SUGP1: variants seen among roughly 807,000 people sequenced by gnomAD.
SUGP1 encodes the protein SURP and G-patch domain-containing protein 1.
SUGP1 carries 34 observed loss-of-function variants against 76.5 expected under a neutral mutation model. The observed-to-expected ratio is 0.44, with a 90% CI of 0.34 to 0.59. SUGP1 has a LOEUF of 0.59. SUGP1 is among the 20% of genes least tolerant of loss of function. SUGP1 has a pLI of 0.01. For missense variants in SUGP1, 752 were observed against 851.7 expected, an observed-to-expected ratio of 0.88 and a Z score of 1.46; for synonymous variants, 326 against 326.2, an observed-to-expected ratio of 1.00 and a Z score of 0.01.
intron 10 of SUGP1, 21 bp downstream of exon 10, chr19:19,279,192 C>T: frequency 6.4e-7 from 1 of 1,565,420 alleles, no homozygotes; most frequent in Non-Finnish European, 8.7e-7. Flanking sequence ...CCAGCCCGGC[C>T]CACCCCGCTG....
At chr19:19,314,456 G>A (rs1289200450) in intron 2 of SUGP1, among the ~76,000 whole-genome samples, 1 of 151,984 alleles carries the variant, frequency 6.6e-6, no homozygotes, top group Non-Finnish European at 1.5e-5. Context: ...TCTACTTCCT[G>A]GATTTCCTAC....
rs931239091 is a variant in SUGP1 at position 19,277,147 on chromosome 19, G to A, written c.1782-71C>T. On this transcript the variant is annotated intron_variant, in intron 12 of 13. Transcript: ENST00000247001. ...TGGCCGGGGGGCCGGGCACAGCTGG[G>A]CTCTCAACAGCACCTCCCGCGGGTG... is the stretch of plus-strand genomic sequence containing the variant. The A allele has an allele frequency of 7.2e-6, 11 of 1,518,774 alleles. No individual in the cohort carries two copies. In the Admixed American group the frequency reaches 2.1e-4, roughly 30 times the overall value. 94.1% of individuals were successfully genotyped at this position (1,518,774 alleles called of 1,614,324 possible). A position where few individuals can be genotyped will look rare whatever the true frequency, so the allele number is the denominator to read the frequency against.
intron 8 of SUGP1, among the ~76,000 whole-genome samples, chr19:19,289,857 G>A (rs1336376675): frequency 6.6e-6 from 1 of 152,228 alleles, no homozygotes; most frequent in African/African-American, 2.4e-5. Flanking sequence ...CGTGCCCAGG[G>A]AGGGCATGGA....
intron 8 of SUGP1, among the ~76,000 whole-genome samples, chr19:19,284,826 T>C (rs2146595892): frequency 6.6e-6 from 1 of 151,826 alleles, no homozygotes. Context: ...CCAGATGCCA[T>C]TAAGAAAATC....
chr19:19,301,634 C>A (rs1188222437), intron 7 of SUGP1: 1 of 152,830 alleles, frequency 6.5e-6, no homozygotes, highest in African/African-American at 2.4e-5. Flanking sequence ...ACCCTCACAT[C>A]CCCCAGGCAC....
At chr19:19,302,549 T>G in intron 6 of SUGP1, 161 bp from the exon 7 acceptor site, 1 of 1,055,058 alleles carries the variant, frequency 9.5e-7, no homozygotes. Context: ...GATGCCAGAA[T>G]TCATAACACA....
At chr19:19,295,103 G>C (rs1419573313) in intron 8 of SUGP1, among the ~76,000 whole-genome samples, 1 of 152,046 alleles carries the variant, frequency 6.6e-6, no homozygotes, top group African/African-American at 2.4e-5. Context: ...TTCGAGATCA[G>C]CCTGGGTAAC....
intron 12 of SUGP1, among the ~76,000 whole-genome samples, chr19:19,277,285 C>T (rs2061059978): frequency 6.6e-6 from 1 of 151,252 alleles, no homozygotes; most frequent in African/African-American, 2.4e-5. Flanking sequence ...GGGTCCCACA[C>T]AGGAAGGAGG....
At chr19:19,279,180 G>GGCCCC in intron 10 of SUGP1, 33 bp downstream of exon 10, 9 of 1,518,046 alleles carry the variant, frequency 5.9e-6, no homozygotes, top group African/African-American at 1.4e-5. Flanking sequence ...GCCATGCCCA[G>GGCCCC]CCCAGCCCGG....
intron 13 of SUGP1, 128 bp from the exon 14 acceptor site, chr19:19,276,802 G>A: frequency 1.3e-6 from 2 of 1,547,340 alleles, no homozygotes; most frequent in South Asian, 1.2e-5. Flanking sequence ...TTGGGGGACG[G>A]GTGGGGGCTT....
chr19:19,277,892 G>A lies in SUGP1; in HGVS notation c.1636-13C>T, dbSNP rs1447628026. 13 of 1,612,600 alleles carry A rather than the reference G, an allele frequency of 8.1e-6. No individual in the cohort carries two copies. In the South Asian group the frequency reaches 1.4e-4, roughly 18 times the overall value. ...GCTCACGGCCCTCCTGCAAGGTGAG[G>A]AGGTAGCTGTCACCCACCAGGGCTG... On this transcript the variant is annotated splice_polypyrimidine_tract_variant and intron_variant, in intron 11 of 13. Transcript: ENST00000247001.
chr19:19,313,181 G>A (rs200766500), intron 2 of SUGP1, among the ~76,000 whole-genome samples: 2 of 151,750 alleles, frequency 1.3e-5, no homozygotes, highest in East Asian at 3.9e-4. Context: ...ATCACCTGAG[G>A]TCAGGAGTTC....
chr19:19,295,776 AG>A (rs1299847080), intron 8 of SUGP1, among the ~76,000 whole-genome samples: 2 of 152,108 alleles, frequency 1.3e-5, no homozygotes, highest in African/African-American at 4.8e-5. Context: ...AGGCTGAGGT[AG>A]GAGGATTCCT....
intron 2 of SUGP1, among the ~76,000 whole-genome samples, chr19:19,312,592 T>C (rs2061360204): frequency 6.6e-6 from 1 of 151,978 alleles, no homozygotes; most frequent in South Asian, 2.1e-4. Flanking sequence ...CCTAAATACA[T>C]CAACAAGGGG....
intron 3 of SUGP1, among the ~76,000 whole-genome samples, chr19:19,307,359 T>C (rs1192802567): frequency 2.0e-5 from 3 of 152,036 alleles, no homozygotes; most frequent in Non-Finnish European, 4.4e-5. Flanking sequence ...AGGGGCTTCA[T>C]CTTTTTAAGC....
intron 8 of SUGP1, among the ~76,000 whole-genome samples, chr19:19,283,813 C>G (rs934713160): frequency 6.6e-6 from 1 of 152,058 alleles, no homozygotes; most frequent in Admixed American, 6.6e-5. Context: ...GTCTCGAACT[C>G]CAACCTTGTG....
chr19:19,317,879 C>T (rs1309948000), intron 1 of SUGP1, among the ~76,000 whole-genome samples: 9 of 149,252 alleles, frequency 6.0e-5, no homozygotes, highest in African/African-American at 2.2e-4. Context: ...GGCACCACCT[C>T]GGCTCATTGC....
chr19:19,293,103 T>A (rs1599854366), intron 8 of SUGP1, among the ~76,000 whole-genome samples: 1 of 144,730 alleles, frequency 6.9e-6, no homozygotes, highest in South Asian at 2.5e-4. Context: ...AGAGACGGGG[T>A]TTCACCATGT....
chr19:19,300,394 A>G (rs538021794), intron 7 of SUGP1, among the ~76,000 whole-genome samples: 2 of 152,348 alleles, frequency 1.3e-5, no homozygotes, highest in South Asian at 4.1e-4. Flanking sequence ...CTTTATAGCC[A>G]TGCAGTTGGT....
Sources: allele counts gnomAD v4.1 joint callset (sites outside exome capture counted in the v4.1 genomes callset), GRCh38; gene constraint gnomAD v4.1.1; transcripts MANE v1.5; gene names NCBI Gene and HGNC (gene_info 2026-07-23, HGNC 2026-07-21).